The following NPHP4 variants were observed in gnomAD, a reference collection of about 807,000 sequenced individuals.
NPHP4 encodes nephrocystin-4.
NPHP4 carries 151 observed loss-of-function variants against 155.8 expected under a neutral mutation model. That is an observed-to-expected ratio of 0.97 (90% CI 0.85 to 1.11). NPHP4 has a LOEUF of 1.11. Ranked by LOEUF, NPHP4 falls within the 50% of genes least tolerant of loss-of-function variation. The pLI is 0.00. For missense variants in NPHP4, 1,956 were observed against 1,925.7 expected (o/e 1.02, Z -0.29); for synonymous variants, 845 against 816.8 (o/e 1.03, Z -0.59).
chr1:5,941,055 G>A (rs1455823596), intron 9 of NPHP4, among the ~76,000 whole-genome samples: 1 of 152,064 alleles, frequency 6.6e-6, no homozygotes, highest in Non-Finnish European at 1.5e-5. Flanking sequence ...ACACACAACA[G>A]AGCCTCCAAA....
rs534774523 is a variant in NPHP4 at position 5,910,308 on chromosome 1, G to A, written c.1442-1095C>T. Reference sequence around the variant, plus strand: ...CCTGGCTCATGACAGCCTCCTTCACGGTGACAGGACTCTCCACTGCAGCAG... The same window carrying A: ...CCTGGCTCATGACAGCCTCCTTCACAGTGACAGGACTCTCCACTGCAGCAG... On this transcript the variant is annotated intron_variant, in intron 11 of 29. Coordinates refer to ENST00000378156, the MANE Select transcript of NPHP4 (RefSeq NM_015102.5). The surrounding 1 kb of genome is among the most constrained non-coding windows in gnomAD (Gnocchi z 5.4). Among the ~76,000 whole-genome samples the A allele has an allele frequency of 1.1e-4, 16 of 152,136 alleles. No homozygotes were observed. The highest frequency in any genetic ancestry group is 3.4e-4 in the African/African-American group (14 of 41,504).
Position 5,980,745 on chromosome 1 carries a change from C to T in NPHP4, c.136-2332G>A, listed in dbSNP as rs112237167. Among the ~76,000 whole-genome samples the T allele has an allele frequency of 3.8e-3, 573 of 152,234 alleles. 5 individuals are homozygous for T. The highest frequency in any genetic ancestry group is 0.013 in the African/African-American group (538 of 41,518). ...CCCTCCCAGGCCCAGTACTGAATCT[C>T]GCATCTCAAGTGAAGCAACGTGGAG... On this transcript the variant is annotated intron_variant, in intron 2 of 29. Transcript: ENST00000378156.
chr1:5,901,536 T>A (rs74482213), intron 16 of NPHP4, among the ~76,000 whole-genome samples: 473 of 152,386 alleles, frequency 3.1e-3, no homozygotes, highest in Non-Finnish European at 5.7e-3. Flanking sequence ...GAGTTTCATT[T>A]CTTTGGACTT....
intron 6 of NPHP4, among the ~76,000 whole-genome samples, chr1:5,961,033 A>G (rs1650223919): frequency 6.6e-6 from 1 of 152,230 alleles, no homozygotes; most frequent in African/African-American, 2.4e-5. Context: ...GGAAACTGGG[A>G]CACACACTAT....
chr1:5,949,336 A>G (rs1466706745), intron 7 of NPHP4, among the ~76,000 whole-genome samples: 1 of 135,332 alleles, frequency 7.4e-6, no homozygotes, highest in African/African-American at 3.1e-5. Context: ...CAGCTCATTC[A>G]CATACATACA....
intron 2 of NPHP4, among the ~76,000 whole-genome samples, chr1:5,979,045 G>A (rs183714144): frequency 6.7e-6 from 1 of 148,532 alleles, no homozygotes; most frequent in Non-Finnish European, 1.5e-5. Flanking sequence ...GCAGGACCCT[G>A]CCCAGAGCGG....
Position 5,892,881 on chromosome 1 carries a change from C to A in NPHP4, c.2144-1853G>T, listed in dbSNP as rs543409282. ...CTCCCCAAGCCCACCTCCTGCACCC[C>A]CTTCACAAACACCACGCCCCAGCCC... On this transcript the variant is annotated intron_variant, in intron 16 of 29. Transcript: ENST00000378156. The surrounding 1 kb of genome is among the most constrained non-coding windows in gnomAD (Gnocchi z 4.5). Among the ~76,000 whole-genome samples, 69 of 152,296 alleles carry A rather than the reference C, an allele frequency of 4.5e-4. No homozygotes were observed. The highest frequency in any genetic ancestry group is 1.6e-3 in the African/African-American group (67 of 41,548).
chr1:5,982,627 A>G (rs762985099), intron 2 of NPHP4, among the ~76,000 whole-genome samples: 22 of 152,230 alleles, frequency 1.4e-4, no homozygotes, highest in Non-Finnish European at 2.9e-4. Flanking sequence ...TTAGGTTGTT[A>G]AGGAGGAAAC....
At chr1:5,960,233 C>T (rs1371722713) in intron 6 of NPHP4, among the ~76,000 whole-genome samples, 1 of 152,172 alleles carries the variant, frequency 6.6e-6, no homozygotes, top group Non-Finnish European at 1.5e-5. Flanking sequence ...ACCCAGACTG[C>T]GACCCCACGC....
At chr1:5,935,622 C>T (rs1043816897) in intron 9 of NPHP4, among the ~76,000 whole-genome samples, 22 of 151,730 alleles carry the variant, frequency 1.4e-4, no homozygotes, top group Non-Finnish European at 2.5e-4. Context: ...CGCCTGTAAT[C>T]CCAGCACTTT....
intron 11 of NPHP4, among the ~76,000 whole-genome samples, chr1:5,914,027 G>A (rs539176730): frequency 1.2e-4 from 19 of 152,066 alleles, no homozygotes; most frequent in African/African-American, 3.6e-4. Flanking sequence ...TCACGCACGC[G>A]GGCCAGGACA....
intron 1 of NPHP4, among the ~76,000 whole-genome samples, chr1:5,988,278 C>G (rs1243954562): frequency 6.6e-6 from 1 of 152,202 alleles, no homozygotes; most frequent in Non-Finnish European, 1.5e-5. Context: ...ACCCAAGAGA[C>G]TCCTCCCTAA....
Position 5,864,512 on chromosome 1 carries a change from G to A in NPHP4, c.3822C>T (p.Asp1274=). The change falls in exon 28 of 30, where the codon GAC becomes GAT. Residue 1274 remains aspartate (D), a synonymous_variant. Transcript: ENST00000378156. ...GCGGCAGCACGAAGACACCTTTGGG[G>A]TCTGTCTTCAAGAGCGAGAGAGGCG... The part of the protein sequence containing the change: ...FTSHPQELKT[D]PKGVFVLPPR... 6.4e-7 allele frequency: 1 copy of A among 1,571,060 alleles called. No homozygotes were observed. Among genetic ancestry groups the A allele is most frequent in the Non-Finnish European group, 8.7e-7 (1 of 1,155,416 alleles).
intron 3 of NPHP4, among the ~76,000 whole-genome samples, chr1:5,972,727 ATTAAT>A (rs749065615): frequency 6.6e-5 from 10 of 152,130 alleles, no homozygotes; most frequent in Non-Finnish European, 1.2e-4. Context: ...TTTCTTGCAA[ATTAAT>A]TTAATTTCTT....
intron 17 of NPHP4, among the ~76,000 whole-genome samples, chr1:5,887,696 A>AGT (rs1255999673): frequency 6.6e-6 from 1 of 152,232 alleles, no homozygotes; most frequent in Non-Finnish European, 1.5e-5. Context: ...CAAAGTCTTA[A>AGT]GTAAAGTATG....
At position 5,958,913 on chromosome 1, in the gene NPHP4, T is replaced by A. The variant is rs191485036; in HGVS notation, c.673+2881A>T. Reference sequence around the variant, plus strand: ...TCTGGCTGTCATTACATACATAATTTAAAAAGTTTAAAAAGTAAAATAAAA... The same window carrying A: ...TCTGGCTGTCATTACATACATAATTAAAAAAGTTTAAAAAGTAAAATAAAA... On this transcript the variant is annotated intron_variant, in intron 6 of 29. Coordinates refer to ENST00000378156, the MANE Select transcript of NPHP4 (RefSeq NM_015102.5). 4.1e-3 allele frequency among the ~76,000 whole-genome samples: 597 copies of A among 147,308 alleles called. 6 individuals carry two copies. The highest frequency in any genetic ancestry group is 0.014 in the African/African-American group (552 of 39,786).
chr1:5,925,915 A>G (rs1645980120), intron 11 of NPHP4, among the ~76,000 whole-genome samples: 1 of 152,202 alleles, frequency 6.6e-6, no homozygotes, highest in South Asian at 2.1e-4. Flanking sequence ...GTGCCTGGCC[A>G]GGAATGGGTT....
chr1:5,863,218 G>A lies in NPHP4; in HGVS notation c.*47C>T, dbSNP rs771945053. ...CAGCCTGCAGGGCAGGAGGGGCACA[G>A]ACAGGCCCCAGCTGGGTGCCGCAGG... On this transcript the variant is annotated 3_prime_UTR_variant, in exon 30 of 30. Transcript: ENST00000378156. 6 of 1,608,656 alleles carry A rather than the reference G, an allele frequency of 3.7e-6. No homozygotes were observed. The highest frequency in any genetic ancestry group is 5.1e-6 in the Non-Finnish European group (6 of 1,175,300).
chr1:5,889,262 C>T lies in NPHP4; in HGVS notation c.2304+1606G>A, dbSNP rs1643988331. 1.3e-5 allele frequency among the ~76,000 whole-genome samples: 2 copies of T among 152,214 alleles called. No homozygotes were observed. The highest frequency in any genetic ancestry group is 2.9e-5 in the Non-Finnish European group (2 of 68,040). ...TCAAACAAGATGAAAGCTGGCCCCG[C>T]CTGCAGAAAGTAAGTCCACCAAAGG... On this transcript the variant is annotated intron_variant, in intron 17 of 29. Transcript: ENST00000378156. The surrounding 1 kb of genome is among the most constrained non-coding windows in gnomAD (Gnocchi z 4.2).
Sources: gnomAD v4.1 joint callset for allele counts (sites outside exome capture counted in the v4.1 genomes callset) on GRCh38, gnomAD v4.1.1 for gene constraint, Gnocchi (gnomAD v3.1) non-coding constraint, MANE v1.5 for transcripts, NCBI Gene and HGNC (gene_info 2026-07-23, HGNC 2026-07-21) for gene names.